Variants in SNX29 observed in about 807,000 individuals in gnomAD.
SNX29 encodes the protein sorting nexin 29, also known as sorting nexin-29.
In SNX29, 78 loss-of-function variants were observed where a neutral mutation model predicts 102.1. That is an observed-to-expected ratio of 0.76 (90% CI 0.64 to 0.92). SNX29 has a LOEUF of 0.92. Among genes scored for constraint, SNX29 ranks in the 40% least tolerant of loss-of-function variants. The pLI, the probability that SNX29 is intolerant of heterozygous loss-of-function variation, is 0.00. For missense variants in SNX29, 1,280 were observed against 1,061.7 expected (o/e 1.21, Z -2.86); for synonymous variants, 580 against 414.5 (o/e 1.40, Z -4.85).
chr16:12,043,543 G>A (rs538402467), intron 5 of SNX29, among the ~76,000 whole-genome samples: 47 of 151,988 alleles, frequency 3.1e-4, no homozygotes, highest in South Asian at 4.2e-4. Flanking sequence ...TTTTTGTAGC[G>A]ATGGGGTCTC....
intron 15 of SNX29, among the ~76,000 whole-genome samples, chr16:12,297,958 C>T (rs1259081125): frequency 6.6e-6 from 1 of 152,140 alleles, no homozygotes; most frequent in African/African-American, 2.4e-5. Flanking sequence ...TCACTTGAGG[C>T]CAAGAGTTCA....
chr16:12,052,095 G>A lies in SNX29; in HGVS notation c.997G>A (p.Gly333Arg), dbSNP rs780627112. 7 of 1,613,830 alleles carry A rather than the reference G, an allele frequency of 4.3e-6. No individual in the cohort carries two copies. The highest frequency in any genetic ancestry group is 2.2e-5 in the East Asian group (1 of 44,894). The stretch of plus-strand genomic sequence containing the variant: ...GAAAATTGATTCCCTGTCTTTGAAC[G>A]GGGAGTTTGGGTACCAGAAGCTTGA... The part of the protein sequence containing the change: ...SWKIDSLSLN[G>R]EFGYQKLDVK... Residue 333 changes from glycine to arginine, a missense_variant, in exon 8 of 21, where the codon GGG becomes AGG. By Grantham distance (125) the Gly-to-Arg change is moderately radical. Coordinates refer to ENST00000566228, the MANE Select transcript of SNX29 (RefSeq NM_032167.5).
At chr16:12,161,969 A>G (rs555289510) in intron 13 of SNX29, among the ~76,000 whole-genome samples, 7 of 152,128 alleles carry the variant, frequency 4.6e-5, no homozygotes, top group Non-Finnish European at 1.0e-4. Flanking sequence ...ATGGACTAAT[A>G]CAGTCTTTCC....
At chr16:12,011,267 A>G (rs1596586085) in intron 3 of SNX29, among the ~76,000 whole-genome samples, 1 of 139,958 alleles carries the variant, frequency 7.1e-6, no homozygotes, top group South Asian at 2.2e-4. Flanking sequence ...ATCTAAGCCC[A>G]TTTTTATATC....
chr16:12,239,001 C>T (rs2078020319), intron 14 of SNX29, among the ~76,000 whole-genome samples: 1 of 152,204 alleles, frequency 6.6e-6, no homozygotes, highest in African/African-American at 2.4e-5. Context: ...CGCTAACTGT[C>T]CTTCCTTTAA....
At chr16:12,158,344 C>T (rs983871443) in intron 13 of SNX29, among the ~76,000 whole-genome samples, 2 of 152,166 alleles carry the variant, frequency 1.3e-5, no homozygotes, top group East Asian at 1.9e-4. Flanking sequence ...GGATTACAGA[C>T]GTGCGCCACC....
At chr16:12,538,370 G>T (rs532731605) in intron 20 of SNX29, among the ~76,000 whole-genome samples, 3 of 152,162 alleles carry the variant, frequency 2.0e-5, no homozygotes, top group Non-Finnish European at 2.9e-5. Context: ...CATTACAGGC[G>T]TGAGCCACCG....
intron 15 of SNX29, among the ~76,000 whole-genome samples, chr16:12,286,588 A>C (rs2079607769): frequency 6.7e-6 from 1 of 148,882 alleles, no homozygotes; most frequent in Non-Finnish European, 1.5e-5. Context: ...CTCATGATCC[A>C]CCCGCCTTGG....
chr16:12,226,194 C>A (rs2077606835), intron 14 of SNX29, among the ~76,000 whole-genome samples: 1 of 152,114 alleles, frequency 6.6e-6, no homozygotes, highest in Non-Finnish European at 1.5e-5. Context: ...AATAGGCAGC[C>A]ACTAGAAAGG....
At chr16:12,208,527 C>T (rs145355837) in intron 14 of SNX29, among the ~76,000 whole-genome samples, 9 of 152,202 alleles carry the variant, frequency 5.9e-5, no homozygotes, top group East Asian at 3.9e-4. Flanking sequence ...TGGTGGCTCA[C>T]GCCTATAACC....
chr16:12,117,453 C>T (rs2053780796), intron 11 of SNX29, among the ~76,000 whole-genome samples: 1 of 152,072 alleles, frequency 6.6e-6, no homozygotes, highest in Admixed American at 6.6e-5. Context: ...TCAATACGTG[C>T]TTCAACGCGG....
chr16:12,297,098 T>A (rs1381202990), intron 15 of SNX29: 1 of 152,280 alleles, frequency 6.6e-6, no homozygotes, highest in Non-Finnish European at 1.5e-5. Context: ...GATATACCAC[T>A]TTTTTCCCCC....
intron 15 of SNX29, among the ~76,000 whole-genome samples, chr16:12,321,616 A>G (rs926535712): frequency 5.9e-5 from 9 of 152,144 alleles, no homozygotes; most frequent in African/African-American, 2.2e-4. Context: ...CAGTGAGCAG[A>G]TGAGCTCAAA....
At chr16:12,287,288 C>G (rs972180520) in intron 15 of SNX29, among the ~76,000 whole-genome samples, 5 of 152,222 alleles carry the variant, frequency 3.3e-5, no homozygotes, top group Admixed American at 6.5e-5. Flanking sequence ...CAGCCTCCAG[C>G]ATGGTCTCCT....
At chr16:12,294,600 C>G (rs780305456) in intron 15 of SNX29, among the ~76,000 whole-genome samples, 12 of 152,294 alleles carry the variant, frequency 7.9e-5, no homozygotes, top group African/African-American at 1.2e-4. Context: ...TCCCTGTTAG[C>G]TGGTCCCGCC....
chr16:12,303,342 A>C (rs2080241135), intron 15 of SNX29, among the ~76,000 whole-genome samples: 1 of 152,230 alleles, frequency 6.6e-6, no homozygotes, highest in East Asian at 1.9e-4. Context: ...CACAACTTAG[A>C]TATCCATCGA....
chr16:12,034,840 G>A (rs1303529201), intron 4 of SNX29, among the ~76,000 whole-genome samples: 1 of 152,058 alleles, frequency 6.6e-6, no homozygotes, highest in Non-Finnish European at 1.5e-5. Flanking sequence ...GTGAAACCCT[G>A]TCTCCATTAA....
rs536810548 is a variant in SNX29, at chr16:12,562,829, G to A, written c.2319-5677G>A. Among the ~76,000 whole-genome samples the A allele has an allele frequency of 5.2e-4, 79 of 152,202 alleles. 2 individuals carry two copies. The South Asian group carries it at 0.016, about 30-fold the overall frequency. ...AACTCCTTTCCCCCCAAATTTCCTA[G>A]CATTCCCCTATAGGCAACCCGACAG... On this transcript the variant is annotated intron_variant, in intron 20 of 20. Coordinates refer to ENST00000566228, the MANE Select transcript of SNX29 (RefSeq NM_032167.5).
chr16:12,364,115 C>G (rs1720828029), intron 16 of SNX29, among the ~76,000 whole-genome samples: 1 of 151,966 alleles, frequency 6.6e-6, no homozygotes, highest in African/African-American at 2.4e-5. Flanking sequence ...GCCTCAGTCT[C>G]TGGAGTAGCT....
Sources: allele counts gnomAD v4.1 joint callset (sites outside exome capture counted in the v4.1 genomes callset), GRCh38; gene constraint gnomAD v4.1.1; transcripts MANE v1.5; gene names NCBI Gene and HGNC (gene_info 2026-07-23, HGNC 2026-07-21).